Variants in ERN1 observed in about 807,000 individuals in gnomAD.
ERN1 encodes the protein serine/threonine-protein kinase/endoribonuclease IRE1.
Under a neutral mutation model 113.1 loss-of-function variants are expected in ERN1, and 39 were observed. The observed-to-expected ratio is 0.34, with a 90% confidence interval of 0.27 to 0.45. ERN1 has a LOEUF of 0.45. Among genes scored for constraint, ERN1 ranks in the 20% least tolerant of loss-of-function variants. The pLI is 1.00. For missense variants in ERN1, 976 were observed against 1,274.8 expected (o/e 0.77, Z 3.57); for synonymous variants, 507 against 515.9 (o/e 0.98, Z 0.23).
intron 1 of ERN1, 130 bp downstream of exon 1, chr17:64,129,846 G>A: frequency 1.2e-6 from 1 of 836,980 alleles, no homozygotes; most frequent in Admixed American, 4.3e-5. Flanking sequence ...CCCACGGCTG[G>A]GCTCACGGGG....
chr17:64,114,302 T>C (rs1914749416), intron 1 of ERN1, among the ~76,000 whole-genome samples: 1 of 152,052 alleles, frequency 6.6e-6, no homozygotes, highest in Non-Finnish European at 1.5e-5. Context: ...AAACATAAAA[T>C]GACAAATTGT....
intron 1 of ERN1, chr17:64,129,717 C>T (rs902593412): frequency 5.8e-5 from 22 of 380,766 alleles, no homozygotes; most frequent in African/African-American, 4.6e-4. Flanking sequence ...GAGCCGCTGC[C>T]CGTGACAGCC....
chr17:64,116,519 T>C (rs1202431976), intron 1 of ERN1, among the ~76,000 whole-genome samples: 3 of 152,130 alleles, frequency 2.0e-5, no homozygotes, highest in African/African-American at 4.8e-5. Context: ...CATAATGAGG[T>C]AGTACCTTTA....
At chr17:64,107,251 C>T (rs948154611) in intron 1 of ERN1, among the ~76,000 whole-genome samples, 1 of 152,126 alleles carries the variant, frequency 6.6e-6, no homozygotes, top group African/African-American at 2.4e-5. Context: ...CTCAACTCTC[C>T]GCTCACAAAG....
intron 1 of ERN1, among the ~76,000 whole-genome samples, chr17:64,117,452 G>A (rs1029968417): frequency 2.0e-5 from 3 of 150,696 alleles, no homozygotes; most frequent in Non-Finnish European, 3.0e-5. Flanking sequence ...CAAAAAAAAA[G>A]AAAGAAAAAG....
chr17:64,109,015 T>C (rs1487629746), intron 1 of ERN1, among the ~76,000 whole-genome samples: 3 of 151,988 alleles, frequency 2.0e-5, no homozygotes, highest in Non-Finnish European at 4.4e-5. Context: ...TCCCAATTAC[T>C]TGGGAGGCTG....
intron 1 of ERN1, among the ~76,000 whole-genome samples, chr17:64,103,758 A>G (rs1376352918): frequency 6.6e-6 from 1 of 152,246 alleles, no homozygotes; most frequent in Non-Finnish European, 1.5e-5. Context: ...GCCTTCTGAA[A>G]TAACTTCATT....
rs532806603 is a variant in ERN1, at chr17:64,086,150, A to G, written c.176-5342T>C. 8.5e-5 allele frequency among the ~76,000 whole-genome samples: 13 copies of G among 152,146 alleles called. No homozygotes were observed. In the East Asian group the frequency reaches 1.4e-3, roughly 16 times the overall value. On this transcript the variant is annotated intron_variant, in intron 2 of 21. Coordinates refer to ENST00000433197, the MANE Select transcript of ERN1 (RefSeq NM_001433.5). ...CTTGGCTCTGCCTGCTCTTCTGCACACTCTCCTTTTCCTCCAAAGTGCAAC... is the reference window on the plus strand; with the variant it reads ...CTTGGCTCTGCCTGCTCTTCTGCACGCTCTCCTTTTCCTCCAAAGTGCAAC...
intron 16 of ERN1, 55 bp from the exon 17 acceptor site, chr17:64,053,034 C>CTCG: frequency 7.0e-7 from 1 of 1,437,592 alleles, no homozygotes; most frequent in Non-Finnish European, 9.6e-7. Flanking sequence ...CCCAGGCCTC[C>CTCG]TCCAATGGGG....
intron 2 of ERN1, among the ~76,000 whole-genome samples, chr17:64,088,988 T>C (rs77267070): frequency 0.019 from 2,896 of 152,222 alleles, 86 homozygotes; most frequent in African/African-American, 0.067. Flanking sequence ...TGATGTGGAA[T>C]GTTGGTCACT....
rs571724835 is a variant in ERN1 at position 64,063,390 on chromosome 17, G to T, written c.1087+596C>A. On this transcript the variant is annotated intron_variant, in intron 10 of 21. Transcript: ENST00000433197. The surrounding 1 kb of genome is among the most constrained non-coding windows in gnomAD (Gnocchi z 5.1). ...CTCAACTTATCTCTCTTGGGACAGG[G>T]CCTCTAGTTCAATCCCTGGCCATTA... 3.9e-5 allele frequency among the ~76,000 whole-genome samples: 6 copies of T among 152,170 alleles called. No homozygotes were observed. Among genetic ancestry groups the T allele is most frequent in the Non-Finnish European group, 7.3e-5 (5 of 68,040 alleles).
In ERN1 at chr17:64,061,083, C is replaced by A. The variant is rs182779502; in HGVS notation, c.1088-496G>T. ...ATCGGGGAAAGTGGTACATTACTTGCGAGAAAGCAGTAGGACACACCTGCT... is the reference window on the plus strand; with the variant it reads ...ATCGGGGAAAGTGGTACATTACTTGAGAGAAAGCAGTAGGACACACCTGCT... On this transcript the variant is annotated intron_variant, in intron 10 of 21. Transcript: ENST00000433197. Among the ~76,000 whole-genome samples the A allele has an allele frequency of 2.0e-5, 3 of 152,308 alleles. No homozygotes were observed. The East Asian group carries it at 5.8e-4, about 29-fold the overall frequency.
chr17:64,071,632 G>C (rs1402068470), intron 6 of ERN1, among the ~76,000 whole-genome samples: 1 of 152,158 alleles, frequency 6.6e-6, no homozygotes, highest in Non-Finnish European at 1.5e-5. Context: ...ATGTTGGTCA[G>C]GCTGGTCTCG....
intron 2 of ERN1, 42 bp downstream of exon 2, chr17:64,098,079 T>G (rs778973441): frequency 2.2e-5 from 36 of 1,610,596 alleles, no homozygotes; most frequent in African/African-American, 2.7e-5. Context: ...TGGAACCAGT[T>G]AAGCAAATGT....
At chr17:64,120,883 T>C (rs935674959) in intron 1 of ERN1, among the ~76,000 whole-genome samples, 6 of 152,172 alleles carry the variant, frequency 3.9e-5, no homozygotes, top group Non-Finnish European at 7.3e-5. Context: ...CTTGATGATA[T>C]AATACAGCCC....
chr17:64,056,714 C>T (rs924082127), intron 12 of ERN1, among the ~76,000 whole-genome samples: 1 of 152,190 alleles, frequency 6.6e-6, no homozygotes, highest in African/African-American at 2.4e-5. Flanking sequence ...TTCTCTCCAC[C>T]ATGGGGTGGA....
At chr17:64,101,265 CG>C (rs1460516071) in intron 1 of ERN1, among the ~76,000 whole-genome samples, 1 of 151,996 alleles carries the variant, frequency 6.6e-6, no homozygotes, top group Non-Finnish European at 1.5e-5. Context: ...AAAAATTAGC[CG>C]GGCGTGGTGG....
chr17:64,075,668 C>T (rs1236813430), intron 4 of ERN1, among the ~76,000 whole-genome samples: 2 of 152,254 alleles, frequency 1.3e-5, no homozygotes, highest in African/African-American at 2.4e-5. Flanking sequence ...CTTTACTTGA[C>T]ACCATGTGCA....
intron 1 of ERN1, among the ~76,000 whole-genome samples, chr17:64,099,730 C>T (rs182890578): frequency 1.3e-5 from 2 of 152,172 alleles, no homozygotes; most frequent in African/African-American, 2.4e-5. Flanking sequence ...GGGAAGGCCC[C>T]ACAGGCTCTC....
Sources: allele counts gnomAD v4.1 joint callset (sites outside exome capture counted in the v4.1 genomes callset), GRCh38; gene constraint gnomAD v4.1.1; non-coding constraint Gnocchi (gnomAD v3.1); transcripts MANE v1.5; gene names NCBI Gene and HGNC (gene_info 2026-07-23, HGNC 2026-07-21).